The following GALNT2 variants were observed in gnomAD, a reference collection of about 807,000 sequenced individuals.
The protein encoded by GALNT2 is UDP-GalNAc:polypeptide N-acetylgalactosaminyltransferase 2.
In GALNT2, 31 loss-of-function variants were observed where a neutral mutation model predicts 81.4. The observed-to-expected ratio is 0.38, with a 90% confidence interval of 0.29 to 0.51. The LOEUF is 0.51. GALNT2 is among the 20% of genes least tolerant of loss of function. GALNT2 has a pLI of 0.87. For missense variants in GALNT2, 629 were observed against 765.7 expected, an observed-to-expected ratio of 0.82 and a Z score of 2.11; for synonymous variants, 303 against 287.4, an observed-to-expected ratio of 1.05 and a Z score of -0.55.
At chr1:230,236,218 G>T in intron 4 of GALNT2, 106 bp downstream of exon 4, 1 of 1,375,002 alleles carries the variant, frequency 7.3e-7, no homozygotes, top group South Asian at 1.2e-5. Context: ...AGGGTCTCCT[G>T]ACTGCTCAGC....
intron 1 of GALNT2, among the ~76,000 whole-genome samples, chr1:230,061,509 T>C (rs1571915731): frequency 1.3e-5 from 2 of 152,304 alleles, no homozygotes; most frequent in South Asian, 4.1e-4. Flanking sequence ...GTTATGAATA[T>C]TTTTTTAAGC....
chr1:230,073,090 A>G (rs1659425827), intron 1 of GALNT2, among the ~76,000 whole-genome samples: 1 of 152,190 alleles, frequency 6.6e-6, no homozygotes, highest in African/African-American at 2.4e-5. Flanking sequence ...TCCATATGCA[A>G]ACCCCCCTGA....
chr1:230,099,619 T>G (rs1205414084), intron 1 of GALNT2, among the ~76,000 whole-genome samples: 1 of 152,210 alleles, frequency 6.6e-6, no homozygotes, highest in African/African-American at 2.4e-5. Flanking sequence ...AGTACAAGCC[T>G]TTTAGCAATG....
chr1:230,164,942 C>A (rs1394829190), intron 1 of GALNT2, among the ~76,000 whole-genome samples: 1 of 152,168 alleles, frequency 6.6e-6, no homozygotes, highest in Non-Finnish European at 1.5e-5. Flanking sequence ...TTTCTAGAAA[C>A]AGCTTTTGTG....
intron 1 of GALNT2, among the ~76,000 whole-genome samples, chr1:230,088,748 A>G (rs1299504114): frequency 1.3e-5 from 2 of 152,084 alleles, no homozygotes; most frequent in Non-Finnish European, 2.9e-5. Context: ...TGTGTTGGCC[A>G]GGCTGGTCTT....
At chr1:230,119,026 C>A (rs1660934204) in intron 1 of GALNT2, among the ~76,000 whole-genome samples, 1 of 152,254 alleles carries the variant, frequency 6.6e-6, no homozygotes, top group African/African-American at 2.4e-5. Context: ...TTTGAACTCA[C>A]AGTACCATAA....
At chr1:230,238,535 C>G (rs1457439746) in intron 6 of GALNT2, among the ~76,000 whole-genome samples, 1 of 152,194 alleles carries the variant, frequency 6.6e-6, no homozygotes, top group Non-Finnish European at 1.5e-5. Context: ...GTGGCTTTCT[C>G]AAGGCCCTTA....
intron 1 of GALNT2, among the ~76,000 whole-genome samples, chr1:230,094,877 C>T (rs977815663): frequency 1.3e-5 from 2 of 152,112 alleles, no homozygotes; most frequent in African/African-American, 4.8e-5. Context: ...CACGTAGAGA[C>T]AGGAAGCGGA....
chr1:230,236,270 C>G, intron 4 of GALNT2, 83 bp from the exon 5 acceptor site: 1 of 1,448,846 alleles, frequency 6.9e-7, no homozygotes, highest in Non-Finnish European at 9.6e-7. Flanking sequence ...GGGTTAGGAC[C>G]AACATATGAG....
At chr1:230,190,751 G>A (rs918163462) in intron 2 of GALNT2, among the ~76,000 whole-genome samples, 1 of 152,074 alleles carries the variant, frequency 6.6e-6, no homozygotes, top group Non-Finnish European at 1.5e-5. Flanking sequence ...CTCTGCTTGG[G>A]CGATATATCG....
At position 230,275,580 on chromosome 1, in the gene GALNT2, C is replaced by T. The variant is rs902384716; in HGVS notation, c.1560+1016C>T. Among the ~76,000 whole-genome samples, 1 of 150,412 alleles carries T rather than the reference C, an allele frequency of 6.6e-6. No individual in the cohort carries two copies. Among genetic ancestry groups the T allele is most frequent in the African/African-American group, 2.4e-5 (1 of 40,880 alleles). ...CACATATATATACATATAAACACAC[C>T]ATATATATACATATAGATACATGCT... On this transcript the variant is annotated intron_variant, in intron 15 of 15. Coordinates refer to ENST00000366672, the MANE Select transcript of GALNT2 (RefSeq NM_004481.5). The surrounding 1 kb of genome is among the most constrained non-coding windows in gnomAD (Gnocchi z 5.5).
chr1:230,127,763 G>A (rs372116049), intron 1 of GALNT2, among the ~76,000 whole-genome samples: 11 of 151,964 alleles, frequency 7.2e-5, no homozygotes, highest in Admixed American at 1.3e-4. Context: ...ATACGCTCCC[G>A]TGCTCAGTTC....
rs369129999 is a variant in GALNT2, at chr1:230,143,712, C to T, written c.127-34506C>T. ...GAGTTCTTCCAGGCCTCTGTTGCTG[C>T]TCTGATAACTGAAAGGGTATTGTGC... On this transcript the variant is annotated intron_variant, in intron 1 of 15. Coordinates refer to ENST00000366672, the MANE Select transcript of GALNT2 (RefSeq NM_004481.5). Among the ~76,000 whole-genome samples, 8 of 152,376 alleles carry T rather than the reference C, an allele frequency of 5.3e-5. No individual in the cohort carries two copies. The South Asian group carries it at 1.4e-3, about 28-fold the overall frequency.
intron 3 of GALNT2, among the ~76,000 whole-genome samples, chr1:230,226,505 G>A (rs371757051): frequency 2.0e-5 from 3 of 152,294 alleles, no homozygotes; most frequent in East Asian, 3.9e-4. Context: ...AGGCTCTCTC[G>A]GCTCATCTCA....
intron 14 of GALNT2, among the ~76,000 whole-genome samples, chr1:230,270,397 G>A (rs2102775253): frequency 6.6e-6 from 1 of 152,304 alleles, no homozygotes; most frequent in African/African-American, 2.4e-5. Context: ...CTTTCCAATA[G>A]AACCATGTGC....
In GALNT2 at chr1:230,255,210, C is replaced by T. The variant is rs58148281; in HGVS notation, c.1010-8C>T. On this transcript the variant is annotated splice_polypyrimidine_tract_variant and splice_region_variant and intron_variant, in intron 10 of 15. Coordinates refer to ENST00000366672, the MANE Select transcript of GALNT2 (RefSeq NM_004481.5). ...TGTCAGTCACCTGTGTCTTGTTCAT[C>T]GTCTCAGAGATCTCGTTCCGCGTGT... 6,673 of 1,614,158 alleles carry T rather than the reference C, an allele frequency of 4.1e-3. 191 individuals are homozygous for T. The African/African-American group carries it at 0.072, about 17-fold the overall frequency.
intron 1 of GALNT2, among the ~76,000 whole-genome samples, chr1:230,143,413 A>G (rs1247223017): frequency 6.6e-6 from 1 of 152,194 alleles, no homozygotes; most frequent in East Asian, 1.9e-4. Context: ...AGAAGCAGCA[A>G]CAAGGTGTGG....
intron 1 of GALNT2, among the ~76,000 whole-genome samples, chr1:230,150,523 GTC>G (rs1662060385): frequency 1.3e-5 from 2 of 152,250 alleles, no homozygotes; most frequent in African/African-American, 4.8e-5. Flanking sequence ...AGAAGTGAAT[GTC>G]TCTGTTAGAG....
At chr1:230,079,004 T>C (rs1241658030) in intron 1 of GALNT2, among the ~76,000 whole-genome samples, 1 of 152,188 alleles carries the variant, frequency 6.6e-6, no homozygotes, top group Non-Finnish European at 1.5e-5. Context: ...TACACCCTTC[T>C]CATTTGCCAG....
Sources: allele counts gnomAD v4.1 joint callset (sites outside exome capture counted in the v4.1 genomes callset), GRCh38; gene constraint gnomAD v4.1.1; non-coding constraint Gnocchi (gnomAD v3.1); transcripts MANE v1.5; gene names NCBI Gene and HGNC (gene_info 2026-07-23, HGNC 2026-07-21).